HMGN3: variants seen among roughly 807,000 people sequenced by gnomAD.
HMGN3 encodes the protein high mobility group nucleosome-binding domain-containing protein 3.
A neutral mutation model predicts 18.8 loss-of-function variants in HMGN3; 6 were observed. That is an observed-to-expected ratio of 0.32 (90% CI 0.18 to 0.63). The LOEUF (loss-of-function observed/expected upper bound fraction) is 0.63, where lower values mean the gene tolerates loss of function less well. HMGN3 is among the 30% of genes least tolerant of loss of function. The pLI, the probability that HMGN3 is intolerant of heterozygous loss-of-function variation, is 0.79. For missense variants in HMGN3, 107 were observed against 114.2 expected, an observed-to-expected ratio of 0.94 and a Z score of 0.29; for synonymous variants, 40 against 36.5, an observed-to-expected ratio of 1.10 and a Z score of -0.35.
At chr6:79,208,974 A>G (rs1776553423) in intron 2 of HMGN3, among the ~76,000 whole-genome samples, 1 of 152,242 alleles carries the variant, frequency 6.6e-6, no homozygotes, top group South Asian at 2.1e-4. Flanking sequence ...AAATGGAACT[A>G]AAGCTTTTAA....
At chr6:79,232,098 T>C (rs1296764905) in intron 1 of HMGN3, among the ~76,000 whole-genome samples, 2 of 152,240 alleles carry the variant, frequency 1.3e-5, no homozygotes, top group Admixed American at 6.5e-5. Context: ...GGGGACATTT[T>C]AAAAGCTTAT....
chr6:79,218,814 T>G (rs1175312620), intron 1 of HMGN3, among the ~76,000 whole-genome samples: 1 of 152,182 alleles, frequency 6.6e-6, no homozygotes, highest in African/African-American at 2.4e-5. Context: ...ATGTTTTTGA[T>G]TCATACAAAA....
At chr6:79,228,853 C>A (rs1036990409) in intron 1 of HMGN3, among the ~76,000 whole-genome samples, 1 of 152,174 alleles carries the variant, frequency 6.6e-6, no homozygotes, top group African/African-American at 2.4e-5. Context: ...AGGTGTGAGC[C>A]ACTGCTCACC....
intron 2 of HMGN3, among the ~76,000 whole-genome samples, chr6:79,214,417 G>A (rs1757048098): frequency 6.6e-6 from 1 of 152,022 alleles, no homozygotes; most frequent in Non-Finnish European, 1.5e-5. Context: ...TAGCCAGGAT[G>A]GTCTCTATCT....
intron 2 of HMGN3, among the ~76,000 whole-genome samples, chr6:79,212,692 T>C (rs1055059361): frequency 2.6e-5 from 4 of 152,238 alleles, no homozygotes; most frequent in African/African-American, 9.6e-5. Context: ...TACTATCTTC[T>C]GCACAATGCC....
chr6:79,203,463 T>G, intron 4 of HMGN3, 117 bp downstream of exon 4: 1 of 882,974 alleles, frequency 1.1e-6, no homozygotes. Context: ...CCCGTAACAG[T>G]GGTAATGGTT....
At chr6:79,209,992 G>A (rs1776605292) in intron 2 of HMGN3, among the ~76,000 whole-genome samples, 1 of 152,180 alleles carries the variant, frequency 6.6e-6, no homozygotes, top group Admixed American at 6.5e-5. Flanking sequence ...ACTGCACAGA[G>A]TAAAAGCTTG....
At chr6:79,212,864 T>G (rs1440702421) in intron 2 of HMGN3, among the ~76,000 whole-genome samples, 1 of 152,142 alleles carries the variant, frequency 6.6e-6, no homozygotes, top group Non-Finnish European at 1.5e-5. Context: ...CACTGACAGT[T>G]TTTACCCGAA....
chr6:79,223,487 G>T (rs1777407639), intron 1 of HMGN3, among the ~76,000 whole-genome samples: 1 of 151,974 alleles, frequency 6.6e-6, no homozygotes, highest in Admixed American at 6.6e-5. Flanking sequence ...TTCCAGCCTG[G>T]GTGACAGAGC....
chr6:79,201,668 C>T (rs758271519), exon 6 of HMGN3: 6 of 1,498,242 alleles, frequency 4.0e-6, no homozygotes, highest in African/African-American at 1.4e-5. Flanking sequence ...ATAAAATCAA[C>T]CCCAATTTTT....
chr6:79,214,207 T>TC (rs1159024951), intron 2 of HMGN3, among the ~76,000 whole-genome samples: 1 of 150,074 alleles, frequency 6.7e-6, no homozygotes, highest in African/African-American at 2.4e-5. Context: ...TCTTTTTCTT[T>TC]TTTTTTTTTT....
At chr6:79,215,600 C>T (rs935413544) in intron 1 of HMGN3, among the ~76,000 whole-genome samples, 1 of 152,222 alleles carries the variant, frequency 6.6e-6, no homozygotes, top group Non-Finnish European at 1.5e-5. Flanking sequence ...AGCCAGGCTA[C>T]GTGCCACCCT....
At chr6:79,230,727 T>C (rs1187978005) in intron 1 of HMGN3, among the ~76,000 whole-genome samples, 4 of 152,236 alleles carry the variant, frequency 2.6e-5, no homozygotes, top group African/African-American at 7.2e-5. Context: ...TTCAGTGATA[T>C]GTGGTACAAA....
At chr6:79,229,183 G>A (rs1166283374) in intron 1 of HMGN3, among the ~76,000 whole-genome samples, 2 of 152,236 alleles carry the variant, frequency 1.3e-5, no homozygotes, top group South Asian at 2.1e-4. Context: ...ATATTTATTA[G>A]ATATTAACAC....
chr6:79,231,072 C>T (rs145266756), intron 1 of HMGN3, among the ~76,000 whole-genome samples: 1 of 152,300 alleles, frequency 6.6e-6, no homozygotes, highest in African/African-American at 2.4e-5. Flanking sequence ...TGACTGCTTA[C>T]ATGCCACATT....
rs1777912903 is a variant in HMGN3 at position 79,232,765 on chromosome 6, A to G, written c.15+1781T>C. Among the ~76,000 whole-genome samples the G allele has an allele frequency of 2.0e-5, 3 of 152,196 alleles. No homozygotes were observed. The South Asian group carries it at 6.2e-4, about 32-fold the overall frequency. ...ACCTAACCTACTGTTTATGTAAACAATGGTTATAATTCCCAGGAAAAAAAG... is the reference window on the plus strand; with the variant it reads ...ACCTAACCTACTGTTTATGTAAACAGTGGTTATAATTCCCAGGAAAAAAAG... On this transcript the variant is annotated intron_variant, in intron 1 of 5. Coordinates refer to ENST00000344726, the Ensembl canonical transcript of HMGN3.
rs115336788 is a variant in HMGN3 at position 79,208,812 on chromosome 6, C to A, written c.67-236G>T. The stretch of plus-strand genomic sequence containing the variant: ...TATACTGTTCAAATAAACGGCTTCT[C>A]CCAACTAAGGGTGTGGTGAATAAGT... On this transcript the variant is annotated intron_variant, in intron 2 of 5. Coordinates refer to ENST00000344726, the Ensembl canonical transcript of HMGN3. 4.0e-3 allele frequency among the ~76,000 whole-genome samples: 602 copies of A among 152,218 alleles called. 3 individuals are homozygous for A. Among genetic ancestry groups the A allele is most frequent in the African/African-American group, 0.014 (571 of 41,526 alleles).
chr6:79,224,260 C>T (rs1313780626), intron 1 of HMGN3, among the ~76,000 whole-genome samples: 1 of 152,176 alleles, frequency 6.6e-6, no homozygotes, highest in African/African-American at 2.4e-5. Context: ...CTCTTATCCA[C>T]TACACCATTC....
rs1229889301 is a variant in HMGN3 at position 79,233,165 on chromosome 6, T to G, written c.15+1381A>C. On this transcript the variant is annotated intron_variant, in intron 1 of 5. Transcript: ENST00000344726. ...TTGGTTGGTGAGATGCAGGACAATT[T>G]ATGTCTTTAAGTCCCAGCTGAATGG... is the stretch of plus-strand genomic sequence containing the variant. 3.9e-5 allele frequency among the ~76,000 whole-genome samples: 6 copies of G among 152,324 alleles called. No homozygotes were observed. In the East Asian group the frequency reaches 1.2e-3, roughly 29 times the overall value.
Sources: allele counts gnomAD v4.1 joint callset (sites outside exome capture counted in the v4.1 genomes callset), GRCh38; gene constraint gnomAD v4.1.1; transcripts MANE v1.5; gene names NCBI Gene and HGNC (gene_info 2026-07-23, HGNC 2026-07-21).